Variants in CSF2RA observed in about 807,000 individuals in gnomAD.
CSF2RA encodes the protein granulocyte-macrophage colony-stimulating factor receptor subunit alpha.
CSF2RA carries 42 observed loss-of-function variants against 51.6 expected under a neutral mutation model. The observed-to-expected ratio is 0.81, with a 90% CI of 0.64 to 1.05. The LOEUF is 1.05. CSF2RA is among the 50% of genes least tolerant of loss of function. The pLI, the probability that CSF2RA is intolerant of heterozygous loss-of-function variation, is 0.00. For missense variants in CSF2RA, 530 were observed against 501.1 expected (o/e 1.06, Z -0.55); for synonymous variants, 222 against 193.0 (o/e 1.15, Z -1.24).
At chrX:1,284,648 G>C (rs1480382767) in intron 3 of CSF2RA, among the ~76,000 whole-genome samples, 1 of 127,592 alleles carries the variant, frequency 7.8e-6, no homozygotes, top group Non-Finnish European at 1.6e-5. Context: ...ATGTTGCCAA[G>C]ACTAGTTTTT....
In CSF2RA at chrX:1,279,162, C is replaced by G. The variant is rs1268394556; in HGVS notation, c.-26-3516C>G. Among the ~76,000 whole-genome samples the G allele has an allele frequency of 2.0e-5, 3 of 150,056 alleles. No individual in the cohort carries two copies. In the South Asian group the frequency reaches 6.3e-4, roughly 32 times the overall value. ...GATCAGGAGTTTGAGACCAGCCTGG[C>G]CAACATGGTGAAACCCCGTCTCTAC... is the stretch of plus-strand genomic sequence containing the variant. On this transcript the variant is annotated intron_variant, in intron 2 of 12. Coordinates refer to ENST00000381529, the MANE Select transcript of CSF2RA (RefSeq NM_172245.4).
At chrX:1,320,733 G>A in the CSF2RA span, among the ~76,000 whole-genome samples, 9 of 145,196 alleles carry the variant, frequency 6.2e-5, no homozygotes, top group South Asian at 8.8e-4. Flanking sequence ...GGATGGTCTC[G>A]ATCCCCTGAC....
At chrX:1,269,628 AAAG>A (rs1196930524) in intron 1 of CSF2RA, among the ~76,000 whole-genome samples, 1 of 48,740 alleles carries the variant, frequency 2.1e-5, no homozygotes, top group Non-Finnish European at 5.7e-5. Flanking sequence ...GTCTCAAAAA[AAAG>A]AAAAAGAAAA....
intron 4 of CSF2RA, among the ~76,000 whole-genome samples, chrX:1,287,885 T>C (rs28594781): frequency 0.45 from 56,865 of 126,752 alleles, 15,213 homozygotes; most frequent in Middle Eastern, 0.6. Context: ...TACAGGTGCC[T>C]GCCACCACAC....
chrX:1,309,612 C>A lies in CSF2RA; in HGVS notation c.*133C>A. The A allele has an allele frequency of 6.2e-7, 1 of 1,610,724 alleles. No individual in the cohort carries two copies. The highest frequency in any genetic ancestry group is 8.5e-7 in the Non-Finnish European group (1 of 1,177,188). ...TAAAAACATGACATTTGGGGCCAGG[C>A]GCGGTGGCTCACGCCTGTAATCCCA... On this transcript the variant is annotated 3_prime_UTR_variant, in exon 13 of 13. Transcript: ENST00000381529.
At chrX:1,299,091 T>C (rs1422964091) in intron 9 of CSF2RA, among the ~76,000 whole-genome samples, 6 of 152,178 alleles carry the variant, frequency 3.9e-5, no homozygotes, top group Non-Finnish European at 8.8e-5. Context: ...TAGTTCTCAC[T>C]GGGCAGGGTC....
At chrX:1,307,431 CCTTTAGA>C (rs2083707163) in intron 12 of CSF2RA, among the ~76,000 whole-genome samples, 1 of 151,228 alleles carries the variant, frequency 6.6e-6, no homozygotes, top group African/African-American at 2.4e-5. Context: ...CCACCCTTCC[CCTTTAGA>C]CCTTCAGCTT....
chrX:1,310,790 C>G (rs1461997500), downstream of CSF2RA, among the ~76,000 whole-genome samples: 6 of 152,154 alleles, frequency 3.9e-5, no homozygotes, highest in Admixed American at 2.0e-4. Context: ...TTGTTTGTCC[C>G]TTGCAAATCT....
chrX:1,313,200 G>T (rs113208330), downstream of CSF2RA, among the ~76,000 whole-genome samples: 83 of 152,156 alleles, frequency 5.5e-4, no homozygotes, highest in African/African-American at 1.9e-3. Context: ...AAGGCAGGTG[G>T]ATCACTTGAG....
At chrX:1,290,624 G>A in intron 7 of CSF2RA, 115 bp downstream of exon 7, 1 of 1,080,782 alleles carries the variant, frequency 9.3e-7, no homozygotes, top group Non-Finnish European at 1.4e-6. Context: ...CAGCACTTTG[G>A]GAGGCCGAGG....
chrX:1,324,497 G>C, the CSF2RA span, among the ~76,000 whole-genome samples: 1 of 124,056 alleles, frequency 8.1e-6, no homozygotes, highest in South Asian at 3.2e-4. Flanking sequence ...GGGAGGGAGG[G>C]GAGGGAAGGA....
intron 4 of CSF2RA, among the ~76,000 whole-genome samples, chrX:1,286,448 A>G (rs1250337648): frequency 7.0e-6 from 1 of 143,832 alleles, no homozygotes; most frequent in Non-Finnish European, 1.5e-5. Context: ...AGGCATCTGT[A>G]ATCCCAGCTA....
At chrX:1,276,808 T>C (rs2089245894) in intron 2 of CSF2RA, among the ~76,000 whole-genome samples, 1 of 152,032 alleles carries the variant, frequency 6.6e-6, no homozygotes, top group Non-Finnish European at 1.5e-5. Flanking sequence ...CTAGAAAGCA[T>C]ACACAGTAGC....
At position 1,288,851 on chromosome X, in the gene CSF2RA, C is replaced by T. The variant is rs202122189; in HGVS notation, c.436C>T (p.Arg146Cys). Residue 146 changes from arginine to cysteine, a missense_variant, in exon 6 of 13, where the codon CGT (arginine) becomes TGT (cysteine). Physicochemically the swap from Arg to Cys is radical, Grantham distance 180. Coordinates refer to ENST00000381529, the MANE Select transcript of CSF2RA (RefSeq NM_172245.4). Reference sequence around the variant, plus strand: ...CTGGGCGAGGGGTCCGACGGCCCCCCGTGACGTCCAGTATTTTTTGTACAT... The same window carrying T: ...CTGGGCGAGGGGTCCGACGGCCCCCTGTGACGTCCAGTATTTTTTGTACAT... ...CTWARGPTAP[R>C]DVQYFLYIRN... 132 of 1,613,948 alleles carry T rather than the reference C, an allele frequency of 8.2e-5. 1 individual carries two copies. In the Middle Eastern group the frequency reaches 8.3e-4, roughly 10 times the overall value.
In CSF2RA at chrX:1,299,504, A is replaced by C. The variant is rs113892763; in HGVS notation, c.811-987A>C. Among the ~76,000 whole-genome samples, 1,067 of 152,194 alleles carry C rather than the reference A, an allele frequency of 7.0e-3. 10 individuals are homozygous for C. The highest frequency in any genetic ancestry group is 0.024 in the African/African-American group (1,017 of 41,548). On this transcript the variant is annotated intron_variant, in intron 9 of 12. Transcript: ENST00000381529. ...CAGTGGTGCGATCTCGGCTCACTGC[A>C]AGCTCCACCTCCCAGCGATTGTCCT...
intron 9 of CSF2RA, 75 bp downstream of exon 9, chrX:1,295,531 A>AGGAGGAGGAGACCCTGCCCCAC: frequency 1.5e-6 from 2 of 1,308,792 alleles, no homozygotes; most frequent in Admixed American, 1.7e-5. Flanking sequence ...ACCTAGTGTA[A>AGGAGGAGGAGACCCTGCCCCAC]CTCTACAGTC....
downstream of CSF2RA, among the ~76,000 whole-genome samples, chrX:1,314,300 A>ACACTGCACTTGCCCAACCC (rs1569514748): frequency 6.9e-4 from 29 of 41,860 alleles, 2 homozygotes; most frequent in African/African-American, 2.3e-3. Context: ...CTGCCCAACC[A>ACACTGCACTTGCCCAACCC]CTCTGTGCCT....
intron 7 of CSF2RA, 67 bp downstream of exon 7, chrX:1,290,576 T>A: frequency 6.6e-7 from 1 of 1,514,774 alleles, no homozygotes. Context: ...AAAATCTGTG[T>A]AACTGAGGCC....
At chrX:1,290,840 G>A (rs776975974) in intron 7 of CSF2RA, among the ~76,000 whole-genome samples, 14 of 152,192 alleles carry the variant, frequency 9.2e-5, no homozygotes, top group African/African-American at 2.9e-4. Flanking sequence ...CAGCTTGAGC[G>A]ACAGAGCAAG....
Sources: gnomAD v4.1 joint callset for allele counts (sites outside exome capture counted in the v4.1 genomes callset) on GRCh38, gnomAD v4.1.1 for gene constraint, MANE v1.5 for transcripts, NCBI Gene and HGNC (gene_info 2026-07-23, HGNC 2026-07-21) for gene names.